TMEM17: variants seen among roughly 807,000 people sequenced by gnomAD.
The protein encoded by TMEM17 is transmembrane protein 17.
TMEM17 carries 15 observed loss-of-function variants against 19.1 expected under a neutral mutation model. That is an observed-to-expected ratio of 0.78 (90% CI 0.52 to 1.21). The LOEUF is 1.21. TMEM17 is among the 50% of genes most tolerant of loss of function. The probability of loss-of-function intolerance (pLI) is 0.00; values close to 1 mark genes in which losing one functional copy is unlikely to be tolerated. For synonymous variants in TMEM17, 103 were observed against 86.9 expected, an observed-to-expected ratio of 1.19 and a Z score of -1.03; for missense variants, 245 against 242.3, an observed-to-expected ratio of 1.01 and a Z score of -0.07.
chr2:62,506,188 G>A lies in TMEM17; in HGVS notation c.-59C>T, dbSNP rs1020404161. ...ACGGGCTAGTCTGCGGGCGCTCCGA[G>A]GCTCCGTGGTTCCCACGGCAACCGG... On this transcript the variant is annotated 5_prime_UTR_variant, in exon 1 of 4. Transcript: ENST00000335390. The A allele has an allele frequency of 3.4e-6, 5 of 1,466,736 alleles. No homozygotes were observed. Among genetic ancestry groups the A allele is most frequent in the Non-Finnish European group, 4.6e-6 (5 of 1,096,410 alleles). The allele number at this position is 1,466,736 out of a possible 1,614,324, so 90.9% of individuals were successfully genotyped here.
the TMEM17 span, among the ~76,000 whole-genome samples, chr2:62,494,358 T>C: frequency 6.6e-6 from 1 of 152,190 alleles, no homozygotes. Flanking sequence ...AGCACAAATT[T>C]TGACTCTTAA....
In TMEM17 at chr2:62,506,021, G is replaced by T. The variant is rs1299446355; in HGVS notation, c.100+9C>A. ...GCCACACCCCCTGCACCGGGCCTCGGTCACTCACCCGGACCCTCATTGGAC... is the reference window on the plus strand; with the variant it reads ...GCCACACCCCCTGCACCGGGCCTCGTTCACTCACCCGGACCCTCATTGGAC... On this transcript the variant is annotated intron_variant, in intron 1 of 3. Transcript: ENST00000335390. 2 of 1,605,744 alleles carry T rather than the reference G, an allele frequency of 1.2e-6. No homozygotes were observed. Among genetic ancestry groups the T allele is most frequent in the East Asian group, 4.5e-5 (2 of 44,258 alleles).
intron 1 of TMEM17, among the ~76,000 whole-genome samples, chr2:62,503,138 T>C (rs1167306068): frequency 6.6e-6 from 1 of 152,208 alleles, no homozygotes. Context: ...TAGAATTCTA[T>C]GTAAATAGCA....
intron 1 of TMEM17, 61 bp downstream of exon 1, chr2:62,505,969 C>G (rs1425460874): frequency 3.4e-6 from 5 of 1,487,562 alleles, no homozygotes; most frequent in Non-Finnish European, 4.6e-6. Flanking sequence ...TCTGGACGCT[C>G]CAAAATCCAC....
intron 3 of TMEM17, 200 bp downstream of exon 3, chr2:62,502,237 T>C: frequency 5.0e-6 from 2 of 396,664 alleles, no homozygotes; most frequent in Non-Finnish European, 9.2e-6. Flanking sequence ...GAAGTAAATA[T>C]TATTTTCCTC....
the TMEM17 span, among the ~76,000 whole-genome samples, chr2:62,479,196 C>T: frequency 1.6e-3 from 239 of 152,310 alleles, 1 homozygote; most frequent in African/African-American, 5.4e-3. Flanking sequence ...TATCCTTTAA[C>T]AAATCTCTGC....
At chr2:62,461,963 C>T in the TMEM17 span, among the ~76,000 whole-genome samples, 37 of 152,238 alleles carry the variant, frequency 2.4e-4, no homozygotes, top group African/African-American at 7.7e-4. Context: ...CCTGGGCATT[C>T]GGCCCTGGCA....
At chr2:62,469,597 C>T in the TMEM17 span, among the ~76,000 whole-genome samples, 14 of 152,226 alleles carry the variant, frequency 9.2e-5, no homozygotes, top group Non-Finnish European at 1.5e-4. Context: ...GTTGTTGGTT[C>T]ATCAGTCTGC....
chr2:62,461,694 C>T, the TMEM17 span, among the ~76,000 whole-genome samples: 10 of 152,318 alleles, frequency 6.6e-5, 1 homozygote, highest in East Asian at 1.9e-3. Context: ...TTCCAGACCC[C>T]CTGAACCTGA....
chr2:62,478,495 G>A, the TMEM17 span, among the ~76,000 whole-genome samples: 13 of 152,334 alleles, frequency 8.5e-5, no homozygotes, highest in African/African-American at 1.4e-4. Context: ...TCCTGCACAC[G>A]TGGATGTGAT....
chr2:62,485,935 A>ACGG, the TMEM17 span, among the ~76,000 whole-genome samples: 1 of 152,228 alleles, frequency 6.6e-6, no homozygotes, highest in African/African-American at 2.4e-5. Context: ...TTGACCTTAC[A>ACGG]AAGTGAATGT....
rs1679955760 is a variant in TMEM17 at position 62,502,536 on chromosome 2, A to G, written c.219T>C (p.Pro73=). The change falls in exon 3 of 4, where the codon CCT becomes CCC. Residue 73 remains proline, a synonymous_variant. Transcript: ENST00000335390. ...TGATCACAATGAATTTGTAGTAGTC[A>G]GGTAAGATTGAATACTAAAAGAAAA... ...MMLHMKYSIL[P]DYYKFIVITV... is the part of the protein sequence containing the mutation. The G allele has an allele frequency of 6.2e-7, 1 of 1,603,212 alleles. No individual in the cohort carries two copies. The highest frequency in any genetic ancestry group is 1.3e-5 in the African/African-American group (1 of 74,536).
the TMEM17 span, among the ~76,000 whole-genome samples, chr2:62,481,982 C>T: frequency 6.6e-6 from 1 of 152,140 alleles, no homozygotes; most frequent in South Asian, 2.1e-4. Flanking sequence ...AGCTGGCATC[C>T]TCTGTCATGG....
At chr2:62,471,934 G>A in the TMEM17 span, among the ~76,000 whole-genome samples, 12 of 152,218 alleles carry the variant, frequency 7.9e-5, no homozygotes, top group Admixed American at 5.2e-4. Flanking sequence ...CCCCATTAAC[G>A]TGCCTTTATC....
At chr2:62,455,773 CCAAA>C in the TMEM17 span, among the ~76,000 whole-genome samples, 1 of 152,132 alleles carries the variant, frequency 6.6e-6, no homozygotes, top group Non-Finnish European at 1.5e-5. Flanking sequence ...TCTCAAAAAA[CCAAA>C]CAAACTACCA....
rs1244165684 is a variant in TMEM17, at chr2:62,506,018, T to TCGGTCACTCACC, written c.100_100+11dup. On this transcript the variant is annotated intron_variant, in intron 1 of 3. Coordinates refer to ENST00000335390, the MANE Select transcript of TMEM17 (RefSeq NM_198276.3). Reference sequence around the variant, plus strand: ...CAGGCCACACCCCCTGCACCGGGCCTCGGTCACTCACCCGGACCCTCATTG... The same window carrying TCGGTCACTCACC: ...CAGGCCACACCCCCTGCACCGGGCCTCGGTCACTCACCCGGTCACTCACCCGGACCCTCATTG... 1 of 1,604,234 alleles carries TCGGTCACTCACC rather than the reference T, an allele frequency of 6.2e-7. No individual in the cohort carries two copies. The highest frequency in any genetic ancestry group is 8.5e-7 in the Non-Finnish European group (1 of 1,175,228).
chr2:62,489,789 T>C, the TMEM17 span, among the ~76,000 whole-genome samples: 1 of 152,168 alleles, frequency 6.6e-6, no homozygotes, highest in Non-Finnish European at 1.5e-5. Flanking sequence ...AAAAAAATTT[T>C]TAAAAATCAA....
chr2:62,471,900 C>T, the TMEM17 span, among the ~76,000 whole-genome samples: 17,409 of 152,280 alleles, frequency 0.11, 1,314 homozygotes, highest in African/African-American at 0.21. Context: ...GGTGTTTCAG[C>T]CCATCTGGCA....
chr2:62,471,525 T>C, the TMEM17 span, among the ~76,000 whole-genome samples: 5 of 152,182 alleles, frequency 3.3e-5, no homozygotes, highest in Non-Finnish European at 5.9e-5. Flanking sequence ...GCTAAAATGG[T>C]CAGAGATTGC....
Sources: gnomAD v4.1 joint callset for allele counts (sites outside exome capture counted in the v4.1 genomes callset) on GRCh38, gnomAD v4.1.1 for gene constraint, MANE v1.5 for transcripts, NCBI Gene and HGNC (gene_info 2026-07-23, HGNC 2026-07-21) for gene names.